SLC6A19: variants seen among roughly 807,000 people sequenced by gnomAD.
SLC6A19 encodes the protein solute carrier family 6 member 19, also known as sodium-dependent neutral amino acid transporter B(0)AT1.
SLC6A19 carries 67 observed loss-of-function variants against 68.3 expected under a neutral mutation model. The ratio of observed to expected loss-of-function variants is 0.98; its 90% CI spans 0.81 to 1.20. The LOEUF (loss-of-function observed/expected upper bound fraction) is 1.20. SLC6A19 is among the 50% of genes most tolerant of loss of function. The probability of loss-of-function intolerance (pLI) is 0.00; values close to 1 mark genes in which losing one functional copy is unlikely to be tolerated. For synonymous variants in SLC6A19, 392 were observed against 374.9 expected, an observed-to-expected ratio of 1.05 and a Z score of -0.53; for missense variants, 813 against 851.6, an observed-to-expected ratio of 0.95 and a Z score of 0.56.
intron 10 of SLC6A19, among the ~76,000 whole-genome samples, chr5:1,220,944 C>A (rs753042816): frequency 6.6e-6 from 1 of 152,154 alleles, no homozygotes; most frequent in African/African-American, 2.4e-5. Flanking sequence ...CTGGTGGCAT[C>A]GTAGGGCAGA....
chr5:1,220,285 C>G (rs971541955), intron 10 of SLC6A19, among the ~76,000 whole-genome samples: 1 of 151,982 alleles, frequency 6.6e-6, no homozygotes, highest in African/African-American at 2.4e-5. Context: ...TGGTGCATGC[C>G]TGTAATCCCA....
rs764750865 is a variant in SLC6A19 at position 1,219,687 on chromosome 5, G to A, written c.1538+23G>A. The A allele has an allele frequency of 8.1e-6, 13 of 1,601,342 alleles. No homozygotes were observed. In the African/African-American group the frequency reaches 1.6e-4, roughly 20 times the overall value. On this transcript the variant is annotated intron_variant, in intron 10 of 11. Coordinates refer to ENST00000304460, the MANE Select transcript of SLC6A19 (RefSeq NM_001003841.3). ...CAGGTAGGGGCCACGGTGGGGACAGGTGCCTCTAATGCAGAAAAGCCAGGT... is the reference window on the plus strand; with the variant it reads ...CAGGTAGGGGCCACGGTGGGGACAGATGCCTCTAATGCAGAAAAGCCAGGT...
Position 1,222,593 on chromosome 5 carries a change from A to C in SLC6A19, c.*689A>C. On this transcript the variant is annotated 3_prime_UTR_variant, in exon 12 of 12. Transcript: ENST00000304460. ...GTACCTGTTTGTGTATATGTGTGTG[A>C]TGTGTGCTCGTGTGTGTGCATATTC... 7 of 300,608 alleles carry C rather than the reference A, an allele frequency of 2.3e-5. No homozygotes were observed. Among genetic ancestry groups the C allele is most frequent in the Non-Finnish European group, 3.1e-5 (5 of 161,708 alleles). 18.6% of individuals were successfully genotyped at this position (300,608 alleles called of 1,614,324 possible).
At chr5:1,202,215 A>G (rs1315193800) in intron 1 of SLC6A19, among the ~76,000 whole-genome samples, 2 of 152,162 alleles carry the variant, frequency 1.3e-5, no homozygotes, top group African/African-American at 4.8e-5. Context: ...CCTCCTGGGC[A>G]TCACCTCTCG....
chr5:1,218,811 T>C, intron 8 of SLC6A19, 92 bp from the exon 9 acceptor site: 1 of 1,338,534 alleles, frequency 7.5e-7, no homozygotes, highest in Non-Finnish European at 1.1e-6. Flanking sequence ...CGCCCCATGC[T>C]GCGTGGCTTG....
At chr5:1,216,469 C>A in intron 6 of SLC6A19, 89 bp from the exon 7 acceptor site, 1 of 1,589,338 alleles carries the variant, frequency 6.3e-7, no homozygotes, top group South Asian at 1.1e-5. Context: ...CTGGGGCTGG[C>A]GCTCTGGGCG....
chr5:1,217,768 T>C (rs1317560393), intron 8 of SLC6A19, among the ~76,000 whole-genome samples: 1 of 152,204 alleles, frequency 6.6e-6, no homozygotes, highest in Non-Finnish European at 1.5e-5. Flanking sequence ...CACCATGAAA[T>C]TCGCCCACTT....
Position 1,222,380 on chromosome 5 carries a change from CA to C in SLC6A19, c.*477del, listed in dbSNP as rs759532507. 136 of 460,784 alleles carry C rather than the reference CA, an allele frequency of 3.0e-4. 1 individual carries two copies. The highest frequency in any genetic ancestry group is 2.4e-3 in the African/African-American group (124 of 51,794). 28.5% of individuals were successfully genotyped at this position (460,784 alleles called of 1,614,324 possible). ...CACATGTGCTCGTACAATGGGTGTC[CA>C]CATGCACGTGTATATGTATATCTGT... On this transcript the variant is annotated 3_prime_UTR_variant, in exon 12 of 12. Coordinates refer to ENST00000304460, the MANE Select transcript of SLC6A19 (RefSeq NM_001003841.3).
chr5:1,217,359 C>T (rs1206463486), intron 8 of SLC6A19, among the ~76,000 whole-genome samples: 2 of 152,188 alleles, frequency 1.3e-5, no homozygotes, highest in Non-Finnish European at 2.9e-5. Context: ...GACTGGCGGG[C>T]GAGGCTCAGC....
chr5:1,211,974 TGTGTTGTGTGTCCGTGC>T (rs1267317324), intron 3 of SLC6A19, among the ~76,000 whole-genome samples: 1 of 147,988 alleles, frequency 6.8e-6, no homozygotes. Flanking sequence ...TGCATGTGTG[TGTGTTGTGTGTCCGTGC>T]ATGTGCGTGC....
chr5:1,216,354 C>T (rs1165092917), intron 6 of SLC6A19, among the ~76,000 whole-genome samples: 1 of 152,176 alleles, frequency 6.6e-6, no homozygotes, highest in Non-Finnish European at 1.5e-5. Context: ...GAGCAGGGGA[C>T]CAGGTGCTGC....
rs1272056325 is a variant in SLC6A19 at position 1,215,360 on chromosome 5, A to G, written c.888-1198A>G. Among the ~76,000 whole-genome samples the G allele has an allele frequency of 6.6e-6, 1 of 152,208 alleles. No homozygotes were observed. Among genetic ancestry groups the G allele is most frequent in the African/African-American group, 2.4e-5 (1 of 41,460 alleles). ...AGCCATCAGCACTGTCCAGTTCTAG[A>G]AGGTTCCAATCAGCAAAAGCTCCAC... is the stretch of plus-strand genomic sequence containing the variant. On this transcript the variant is annotated intron_variant, in intron 6 of 11. Transcript: ENST00000304460. This position sits in a 1 kb window ranked among gnomAD's most constrained non-coding sequence, Gnocchi z 5.1.
At chr5:1,208,611 C>A in intron 1 of SLC6A19, 135 bp from the exon 2 acceptor site, 1 of 1,193,474 alleles carries the variant, frequency 8.4e-7, no homozygotes, top group Non-Finnish European at 1.2e-6. Flanking sequence ...ACTGGCTGCT[C>A]CATCTCAGCT....
At position 1,214,423 on chromosome 5, in the gene SLC6A19, C is replaced by A. The variant is rs569151952; in HGVS notation, c.887+358C>A. ...TCCCAGGCCCCCAGACATGTGGCGC[C>A]CCCGACGCCCTCCACGTCCCCGACC... On this transcript the variant is annotated intron_variant, in intron 6 of 11. Coordinates refer to ENST00000304460, the MANE Select transcript of SLC6A19 (RefSeq NM_001003841.3). The surrounding 1 kb of genome is among the most constrained non-coding windows in gnomAD (Gnocchi z 7.4). Among the ~76,000 whole-genome samples the A allele has an allele frequency of 6.6e-6, 1 of 152,158 alleles. No homozygotes were observed. The highest frequency in any genetic ancestry group is 1.5e-5 in the Non-Finnish European group (1 of 68,026).
intron 10 of SLC6A19, 105 bp from the exon 11 acceptor site, chr5:1,221,046 G>A: frequency 1.4e-6 from 2 of 1,439,166 alleles, no homozygotes; most frequent in South Asian, 1.2e-5. Flanking sequence ...GGGAGGCCGG[G>A]CACCTCGCAG....
rs1746410947 is a variant in SLC6A19, at chr5:1,222,306, G to A, written c.*402G>A. 3.7e-6 allele frequency: 2 copies of A among 541,320 alleles called. No homozygotes were observed. The highest frequency in any genetic ancestry group is 6.5e-6 in the Non-Finnish European group (2 of 308,380). 33.5% of individuals were successfully genotyped at this position (541,320 alleles called of 1,614,324 possible). A position where few individuals can be genotyped will look rare whatever the true frequency, so the allele number is the denominator to read the frequency against. On this transcript the variant is annotated 3_prime_UTR_variant, in exon 12 of 12. Transcript: ENST00000304460. Reference sequence around the variant, plus strand: ...TGTATATATAGACATACATGCCTATGTTGTGTGTGGTGTGCATATGTGTGA... The same window carrying A: ...TGTATATATAGACATACATGCCTATATTGTGTGTGGTGTGCATATGTGTGA...
chr5:1,206,497 T>C (rs1745856393), intron 1 of SLC6A19, among the ~76,000 whole-genome samples: 1 of 152,040 alleles, frequency 6.6e-6, no homozygotes, highest in Non-Finnish European at 1.5e-5. Flanking sequence ...GGATCTGACA[T>C]GGCCCTGCTG....
chr5:1,214,114 A>C lies in SLC6A19; in HGVS notation c.887+49A>C, dbSNP rs1458185113. On this transcript the variant is annotated intron_variant, in intron 6 of 11. Transcript: ENST00000304460. The surrounding 1 kb of genome is among the most constrained non-coding windows in gnomAD (Gnocchi z 7.4). ...CAGTTTCCCTCTCAGTCCTGGGGGG[A>C]TCTTGCTGGGAGGATAAAAGACAAG... 10 of 1,612,318 alleles carry C rather than the reference A, an allele frequency of 6.2e-6. No individual in the cohort carries two copies. In the Admixed American group the frequency reaches 1.7e-4, roughly 27 times the overall value.
At chr5:1,218,457 G>A (rs1023919920) in intron 8 of SLC6A19, among the ~76,000 whole-genome samples, 17 of 152,242 alleles carry the variant, frequency 1.1e-4, no homozygotes, top group South Asian at 4.1e-4. Flanking sequence ...GGGTGGTTGC[G>A]CCTTGGTGGT....
Sources: gnomAD v4.1 joint callset for allele counts (sites outside exome capture counted in the v4.1 genomes callset) on GRCh38, gnomAD v4.1.1 for gene constraint, Gnocchi (gnomAD v3.1) non-coding constraint, MANE v1.5 for transcripts, NCBI Gene and HGNC (gene_info 2026-07-23, HGNC 2026-07-21) for gene names.